Variants in MYO5B observed in about 807,000 individuals in gnomAD.
The protein encoded by MYO5B is unconventional myosin-Vb.
MYO5B carries 143 observed loss-of-function variants against 229.3 expected under a neutral mutation model. That is an observed-to-expected ratio of 0.62 (90% CI 0.54 to 0.72). The LOEUF is 0.72. MYO5B is among the 30% of genes least tolerant of loss of function. MYO5B has a pLI of 0.00. For synonymous variants in MYO5B, 918 were observed against 885.2 expected (o/e 1.04, Z -0.66); for missense variants, 2,321 against 2,331.0 (o/e 1.00, Z 0.09).
intron 1 of MYO5B, among the ~76,000 whole-genome samples, chr18:50,141,329 T>C (rs568448258): frequency 6.6e-6 from 1 of 152,360 alleles, no homozygotes; most frequent in South Asian, 2.1e-4. Context: ...CCCCTTAATT[T>C]ACCTGTAATT....
intron 22 of MYO5B, among the ~76,000 whole-genome samples, chr18:49,893,490 T>C (rs1392166848): frequency 1.3e-5 from 2 of 151,412 alleles, no homozygotes; most frequent in African/African-American, 4.9e-5. Context: ...TTAACAGGAG[T>C]TTCCAAGCAC....
At chr18:50,023,410 A>G (rs1265066987) in intron 4 of MYO5B, among the ~76,000 whole-genome samples, 2 of 152,154 alleles carry the variant, frequency 1.3e-5, no homozygotes, top group South Asian at 2.1e-4. Flanking sequence ...GCACTGGACT[A>G]TTTTGGTTAT....
intron 38 of MYO5B, among the ~76,000 whole-genome samples, chr18:49,836,410 T>C (rs1202915655): frequency 3.9e-5 from 6 of 152,258 alleles, no homozygotes; most frequent in Non-Finnish European, 8.8e-5. Flanking sequence ...GAATTCATTA[T>C]ATTTAAAGAA....
intron 1 of MYO5B, among the ~76,000 whole-genome samples, chr18:50,150,073 C>A (rs893791022): frequency 6.7e-6 from 1 of 149,086 alleles, no homozygotes; most frequent in Non-Finnish European, 1.5e-5. Context: ...CCAAAAAACA[C>A]ATGAAAAAAT....
intron 2 of MYO5B, among the ~76,000 whole-genome samples, chr18:50,048,357 C>T (rs370504460): frequency 4.5e-4 from 69 of 152,304 alleles, no homozygotes; most frequent in Non-Finnish European, 7.8e-4. Flanking sequence ...GAGGAAGTAG[C>T]AAATTAACCC....
intron 21 of MYO5B, among the ~76,000 whole-genome samples, chr18:49,900,167 A>G (rs1185025369): frequency 1.3e-5 from 2 of 152,194 alleles, no homozygotes; most frequent in East Asian, 3.9e-4. Context: ...TGGAAGGTTA[A>G]CTCACAACAT....
At chr18:50,043,344 T>TATATTTAAA (rs2030090794) in intron 2 of MYO5B, among the ~76,000 whole-genome samples, 2 of 82,746 alleles carry the variant, frequency 2.4e-5, no homozygotes, top group African/African-American at 9.3e-5. Flanking sequence ...TATATTTATA[T>TATATTTAAA]TATATATAAT....
chr18:50,141,035 C>T (rs2032409572), intron 1 of MYO5B, among the ~76,000 whole-genome samples: 1 of 152,216 alleles, frequency 6.6e-6, no homozygotes, highest in African/African-American at 2.4e-5. Flanking sequence ...CTTCATTATG[C>T]AGGTGTGGTT....
chr18:50,001,790 T>C (rs2026049989), intron 4 of MYO5B, among the ~76,000 whole-genome samples: 1 of 151,866 alleles, frequency 6.6e-6, no homozygotes, highest in Non-Finnish European at 1.5e-5. Flanking sequence ...CCCAGCACTC[T>C]GGGAGGCCGA....
intron 4 of MYO5B, among the ~76,000 whole-genome samples, chr18:50,034,934 C>A (rs1213252125): frequency 2.0e-5 from 3 of 152,082 alleles, no homozygotes; most frequent in African/African-American, 7.2e-5. Context: ...CTTAAGGAAG[C>A]AATCCCAGTT....
rs190382876 is a variant in MYO5B at position 50,099,724 on chromosome 18, C to T, written c.28-44346G>A. On this transcript the variant is annotated intron_variant, in intron 1 of 39. Coordinates refer to ENST00000285039, the MANE Select transcript of MYO5B (RefSeq NM_001080467.3). ...TGAAGTTCCACATAATTTCAGCAAC[C>T]ATCTTTACATGAATTTGCAGAATAG... Among the ~76,000 whole-genome samples, 3 of 152,262 alleles carry T rather than the reference C, an allele frequency of 2.0e-5. No homozygotes were observed. In the East Asian group the frequency reaches 5.8e-4, roughly 29 times the overall value.
At chr18:49,884,323 A>T (rs1347960723) in intron 22 of MYO5B, among the ~76,000 whole-genome samples, 2 of 152,136 alleles carry the variant, frequency 1.3e-5, no homozygotes, top group Non-Finnish European at 2.9e-5. Context: ...GAATGGTTTC[A>T]GCATGATTCA....
At chr18:49,979,790 A>G (rs114894841) in intron 9 of MYO5B, among the ~76,000 whole-genome samples, 1,918 of 152,290 alleles carry the variant, frequency 0.013, 40 homozygotes, top group African/African-American at 0.043. Context: ...AGCTTTTCCC[A>G]ACACCATTAA....
chr18:50,057,831 G>A (rs988355785), intron 1 of MYO5B, among the ~76,000 whole-genome samples: 2 of 152,090 alleles, frequency 1.3e-5, no homozygotes, highest in African/African-American at 2.4e-5. Context: ...CAGGTTAGAA[G>A]CATAGAATTT....
At chr18:50,133,846 C>T (rs776294286) in intron 1 of MYO5B, among the ~76,000 whole-genome samples, 1 of 150,716 alleles carries the variant, frequency 6.6e-6, no homozygotes, top group Admixed American at 6.6e-5. Flanking sequence ...CATATGGCCA[C>T]AAAAAAAAGG....
chr18:50,090,952 G>GACAGCCTGC (rs1362328009), intron 1 of MYO5B, among the ~76,000 whole-genome samples: 2 of 152,342 alleles, frequency 1.3e-5, no homozygotes, highest in East Asian at 3.9e-4. Flanking sequence ...AGGTTCCCAG[G>GACAGCCTGC]ACAGCCTGCA....
At chr18:49,882,583 G>A (rs913034733) in intron 22 of MYO5B, among the ~76,000 whole-genome samples, 9 of 132,826 alleles carry the variant, frequency 6.8e-5, no homozygotes, top group Admixed American at 3.6e-4. Flanking sequence ...AGCTGAGATC[G>A]TGCCACAGCA....
At chr18:49,858,023 C>T (rs572786525) in intron 29 of MYO5B, among the ~76,000 whole-genome samples, 2 of 152,300 alleles carry the variant, frequency 1.3e-5, no homozygotes, top group African/African-American at 4.8e-5. Flanking sequence ...GTAATGCCCT[C>T]GTCCTCATTC....
intron 1 of MYO5B, among the ~76,000 whole-genome samples, chr18:50,177,444 G>C (rs187980719): frequency 6.6e-6 from 1 of 152,126 alleles, no homozygotes; most frequent in African/African-American, 2.4e-5. Flanking sequence ...TCCTCAAACA[G>C]CATTGTAATT....
Sources: gnomAD v4.1 joint callset for allele counts (sites outside exome capture counted in the v4.1 genomes callset) on GRCh38, gnomAD v4.1.1 for gene constraint, MANE v1.5 for transcripts, NCBI Gene and HGNC (gene_info 2026-07-23, HGNC 2026-07-21) for gene names.